Variants in ADAMTS12 observed in about 807,000 individuals in gnomAD.
ADAMTS12 encodes ADAM metallopeptidase with thrombospondin type 1 motif 12.
In ADAMTS12, 118 loss-of-function variants were observed where a neutral mutation model predicts 167.8. The ratio of observed to expected loss-of-function variants is 0.70; its 90% CI spans 0.61 to 0.82. The LOEUF (loss-of-function observed/expected upper bound fraction) is 0.82, where lower values mean the gene tolerates loss of function less well. Among genes scored for constraint, ADAMTS12 ranks in the 40% least tolerant of loss-of-function variants. The pLI is 0.00. For missense variants in ADAMTS12, 1,916 were observed against 1,998.8 expected (o/e 0.96, Z 0.79); for synonymous variants, 704 against 716.9 (o/e 0.98, Z 0.29).
chr5:33,627,469 G>A (rs2112135007), intron 13 of ADAMTS12, among the ~76,000 whole-genome samples: 1 of 150,678 alleles, frequency 6.6e-6, no homozygotes, highest in South Asian at 2.1e-4. Context: ...CAGTGGTGGT[G>A]TTGGTGGTGG....
At chr5:33,592,265 AC>A (rs912754653) in intron 17 of ADAMTS12, among the ~76,000 whole-genome samples, 26 of 149,820 alleles carry the variant, frequency 1.7e-4, no homozygotes, top group African/African-American at 6.3e-4. Context: ...AAACAAAAAA[AC>A]AAAAAACAAA....
chr5:33,624,171 C>A, intron 14 of ADAMTS12, 60 bp downstream of exon 14: 1 of 1,605,176 alleles, frequency 6.2e-7, no homozygotes, highest in Non-Finnish European at 8.5e-7. Flanking sequence ...ACCAATCAAC[C>A]ATTTATCTTG....
intron 3 of ADAMTS12, among the ~76,000 whole-genome samples, chr5:33,717,901 T>A (rs1323243059): frequency 6.6e-6 from 1 of 151,938 alleles, no homozygotes; most frequent in Non-Finnish European, 1.5e-5. Flanking sequence ...GTGAAAGTCA[T>A]TTTGTCATAG....
intron 7 of ADAMTS12, among the ~76,000 whole-genome samples, chr5:33,657,112 GAAC>G (rs1741087838): frequency 6.6e-6 from 1 of 152,184 alleles, no homozygotes; most frequent in East Asian, 1.9e-4. Context: ...AGAAAAGTCA[GAAC>G]AACAATTCTG....
chr5:33,666,126 A>G (rs1381649576), intron 5 of ADAMTS12, among the ~76,000 whole-genome samples: 1 of 152,196 alleles, frequency 6.6e-6, no homozygotes, highest in African/African-American at 2.4e-5. Context: ...TTCATTTTCA[A>G]TAAAACCCTT....
intron 3 of ADAMTS12, among the ~76,000 whole-genome samples, chr5:33,709,342 C>T (rs551129354): frequency 6.6e-6 from 1 of 152,314 alleles, no homozygotes; most frequent in East Asian, 1.9e-4. Context: ...ACTGAGCAAT[C>T]TCATTACTGG....
chr5:33,562,987 C>CAT (rs543243054), intron 19 of ADAMTS12, among the ~76,000 whole-genome samples: 2 of 152,120 alleles, frequency 1.3e-5, no homozygotes, highest in Non-Finnish European at 2.9e-5. Context: ...TGTTACAACA[C>CAT]ATATATAACA....
intron 3 of ADAMTS12, among the ~76,000 whole-genome samples, chr5:33,711,267 G>T (rs1158806701): frequency 1.3e-5 from 2 of 152,008 alleles, no homozygotes; most frequent in Non-Finnish European, 2.9e-5. Context: ...AAATTAACAT[G>T]GTGCTTTCCA....
chr5:33,646,663 C>T (rs2112184836), intron 9 of ADAMTS12, among the ~76,000 whole-genome samples: 1 of 152,086 alleles, frequency 6.6e-6, no homozygotes, highest in Admixed American at 6.5e-5. Context: ...TAAAGGAAAA[C>T]CTGACATAAA....
At chr5:33,664,066 C>T (rs1298887053) in intron 5 of ADAMTS12, among the ~76,000 whole-genome samples, 1 of 152,074 alleles carries the variant, frequency 6.6e-6, no homozygotes, top group Non-Finnish European at 1.5e-5. Context: ...ATAATAAAGA[C>T]ATCATCTATT....
intron 3 of ADAMTS12, among the ~76,000 whole-genome samples, chr5:33,748,989 C>T (rs1291099755): frequency 1.3e-5 from 2 of 152,182 alleles, no homozygotes; most frequent in Non-Finnish European, 2.9e-5. Flanking sequence ...CTATGCATTA[C>T]ACATATTGTC....
chr5:33,822,947 C>T (rs575611626), intron 2 of ADAMTS12, among the ~76,000 whole-genome samples: 26 of 151,910 alleles, frequency 1.7e-4, no homozygotes, highest in African/African-American at 6.3e-4. Flanking sequence ...AAAAAATTAG[C>T]CAGATGTGAT....
chr5:33,557,056 C>G (rs757552246), intron 20 of ADAMTS12, among the ~76,000 whole-genome samples: 4 of 152,150 alleles, frequency 2.6e-5, no homozygotes, highest in Non-Finnish European at 5.9e-5. Flanking sequence ...CAGGCTTCAT[C>G]AAGAAGAATG....
At chr5:33,575,100 A>C (rs1561137766) in intron 19 of ADAMTS12, among the ~76,000 whole-genome samples, 1 of 152,204 alleles carries the variant, frequency 6.6e-6, no homozygotes, top group Non-Finnish European at 1.5e-5. Context: ...GGCCAGCATG[A>C]TGTCATCATG....
intron 1 of ADAMTS12, among the ~76,000 whole-genome samples, chr5:33,887,439 C>G (rs1750673836): frequency 6.6e-6 from 1 of 152,058 alleles, no homozygotes; most frequent in Non-Finnish European, 1.5e-5. Flanking sequence ...GATGTCAAGG[C>G]GGGTTGTCAA....
At chr5:33,635,019 G>GC (rs1456720569) in intron 12 of ADAMTS12, among the ~76,000 whole-genome samples, 1 of 152,030 alleles carries the variant, frequency 6.6e-6, no homozygotes, top group East Asian at 1.9e-4. Context: ...GCACCACTAT[G>GC]CCTGGCTGTA....
At position 33,751,520 on chromosome 5, in the gene ADAMTS12, T is replaced by A; in HGVS notation, c.518A>T (p.Asp173Val). 1.2e-6 allele frequency: 2 copies of A among 1,613,980 alleles called. No homozygotes were observed. The highest frequency in any genetic ancestry group is 1.7e-6 in the Non-Finnish European group (2 of 1,179,988). ...LTGFFQLPHG[D>V]FFIEPVKKHP... Reference sequence around the variant, plus strand: ...CTTCTTCACGGGTTCAATGAAAAAGTCTCCATGTGGTAGTTGGAAAAATCC... The same window carrying A: ...CTTCTTCACGGGTTCAATGAAAAAGACTCCATGTGGTAGTTGGAAAAATCC... Residue 173 changes from aspartate (D) to valine (V), a missense_variant, in exon 3 of 24, where the codon GAC becomes GTC. By Grantham distance (152) the Asp-to-Val change is radical. Coordinates refer to ENST00000504830, the MANE Select transcript of ADAMTS12 (RefSeq NM_030955.4).
chr5:33,577,227 A>G, intron 18 of ADAMTS12, 67 bp from the exon 19 acceptor site: 3 of 1,602,500 alleles, frequency 1.9e-6, no homozygotes, highest in Non-Finnish European at 2.6e-6. Context: ...TTAGGTCTAT[A>G]ACAGATCAAA....
intron 1 of ADAMTS12, 28 bp downstream of exon 1, chr5:33,891,702 T>TA: frequency 6.2e-7 from 1 of 1,613,070 alleles, no homozygotes; most frequent in East Asian, 2.2e-5. Context: ...ACCACTGTTT[T>TA]AAAAAGAAAT....
Sources: allele counts gnomAD v4.1 joint callset (sites outside exome capture counted in the v4.1 genomes callset), GRCh38; gene constraint gnomAD v4.1.1; transcripts MANE v1.5; gene names NCBI Gene and HGNC (gene_info 2026-07-23, HGNC 2026-07-21).